ADK: variants seen among roughly 807,000 people sequenced by gnomAD.
ADK encodes N6,N6-dimethyladenosine kinase.
Under a neutral mutation model 44.7 loss-of-function variants are expected in ADK, and 24 were observed. The observed-to-expected ratio is 0.54, with a 90% CI of 0.39 to 0.76. The LOEUF is 0.76. ADK is among the 30% of genes least tolerant of loss of function. ADK has a pLI of 0.00. For missense variants in ADK, 321 were observed against 425.1 expected (o/e 0.76, Z 2.15); for synonymous variants, 128 against 142.6 (o/e 0.90, Z 0.73).
At position 74,479,898 on chromosome 10, in the gene ADK, A is replaced by C. The variant is rs570679571; in HGVS notation, c.556-45358A>C. Among the ~76,000 whole-genome samples the C allele has an allele frequency of 2.6e-5, 4 of 152,226 alleles. No individual in the cohort carries two copies. The South Asian group carries it at 8.3e-4, about 32-fold the overall frequency. On this transcript the variant is annotated intron_variant, in intron 6 of 10. Transcript: ENST00000539909. ...TCAGAATATGCAGTGCTTACAAACT[A>C]TGTTCTTTCCATCCTTTTTAATTTA...
At chr10:74,372,175 C>G in intron 4 of ADK, 1 of 755,976 alleles carries the variant, frequency 1.3e-6, no homozygotes, top group Non-Finnish European at 2.4e-6. Context: ...GCAGAGCAGC[C>G]TGCTGCTGAA....
At chr10:74,435,203 A>T (rs1456451508) in intron 6 of ADK, among the ~76,000 whole-genome samples, 4 of 152,256 alleles carry the variant, frequency 2.6e-5, no homozygotes, top group Admixed American at 2.6e-4. Flanking sequence ...TGGAAGAGTG[A>T]TAACTGCTAG....
At chr10:74,451,397 G>A (rs539381065) in intron 6 of ADK, among the ~76,000 whole-genome samples, 1 of 152,180 alleles carries the variant, frequency 6.6e-6, no homozygotes, top group African/African-American at 2.4e-5. Flanking sequence ...TATGATAAAA[G>A]CAGGGTTCCA....
At chr10:74,154,279 A>G (rs533371110) in intron 1 of ADK, among the ~76,000 whole-genome samples, 98 of 152,030 alleles carry the variant, frequency 6.4e-4, no homozygotes, top group African/African-American at 2.3e-3. Context: ...AATTTTGTAT[A>G]TATTTTTGAG....
intron 9 of ADK, among the ~76,000 whole-genome samples, chr10:74,662,495 G>A (rs1389223248): frequency 6.6e-6 from 1 of 152,068 alleles, no homozygotes; most frequent in African/African-American, 2.4e-5. Flanking sequence ...CTCCCAGTCT[G>A]GTCTCAAACT....
At chr10:74,642,995 A>G (rs1006056889) in intron 9 of ADK, among the ~76,000 whole-genome samples, 28 of 151,802 alleles carry the variant, frequency 1.8e-4, no homozygotes, top group African/African-American at 6.5e-4. Context: ...GTGTGCCACC[A>G]TATCTGGCTA....
At chr10:74,289,932 C>A (rs528135099) in intron 3 of ADK, among the ~76,000 whole-genome samples, 9 of 151,896 alleles carry the variant, frequency 5.9e-5, no homozygotes, top group African/African-American at 2.2e-4. Flanking sequence ...TTTTCTTAGC[C>A]ATATACACAA....
chr10:74,346,467 G>A (rs538494647), intron 4 of ADK, among the ~76,000 whole-genome samples: 27 of 151,202 alleles, frequency 1.8e-4, no homozygotes, highest in African/African-American at 5.4e-4. Context: ...TTGGGCTTTT[G>A]AGTTACATTT....
intron 8 of ADK, among the ~76,000 whole-genome samples, chr10:74,600,088 T>C (rs536991683): frequency 6.6e-6 from 1 of 152,302 alleles, no homozygotes; most frequent in Admixed American, 6.5e-5. Flanking sequence ...GATGAAATTA[T>C]GTATAGTTCT....
rs879761299 is a variant in ADK, at chr10:74,419,322, TC to T, written c.555+20752del. 1.5e-3 allele frequency among the ~76,000 whole-genome samples: 230 copies of T among 150,182 alleles called. 1 individual carries two copies. Among genetic ancestry groups the T allele is most frequent in the Non-Finnish European group, 2.0e-3 (132 of 67,424 alleles). On this transcript the variant is annotated intron_variant, in intron 6 of 10. Transcript: ENST00000539909. The stretch of plus-strand genomic sequence containing the variant: ...GGCCTATTTCAGTCTTTGAAGTATT[TC>T]CCCCCCCCAAAAATCCCTTATTTAA...
chr10:74,267,790 G>GTGTGTGTGTGTGTCTGTC (rs35081179), intron 3 of ADK, among the ~76,000 whole-genome samples: 3 of 145,598 alleles, frequency 2.1e-5, no homozygotes, highest in African/African-American at 8.0e-5. Context: ...GTGTGTGTGT[G>GTGTGTGTGTGTGTCTGTC]TGTCTGTCTG....
At chr10:74,424,378 T>C (rs1296817037) in intron 6 of ADK, among the ~76,000 whole-genome samples, 2 of 150,794 alleles carry the variant, frequency 1.3e-5, no homozygotes, top group Non-Finnish European at 3.0e-5. Flanking sequence ...CTACTAAAAA[T>C]ACAAAATTAG....
intron 7 of ADK, among the ~76,000 whole-genome samples, chr10:74,546,614 ATTAC>A (rs1157330954): frequency 1.3e-5 from 2 of 152,192 alleles, no homozygotes; most frequent in African/African-American, 4.8e-5. Context: ...TCATTTAAAA[ATTAC>A]TTATAAGTCT....
At chr10:74,684,353 C>T (rs936912901) in intron 10 of ADK, among the ~76,000 whole-genome samples, 4 of 152,052 alleles carry the variant, frequency 2.6e-5, no homozygotes, top group Non-Finnish European at 5.9e-5. Flanking sequence ...AATTAGGCTA[C>T]CACTAGAACA....
intron 3 of ADK, among the ~76,000 whole-genome samples, chr10:74,263,768 A>G (rs1419249041): frequency 6.6e-6 from 1 of 152,226 alleles, no homozygotes; most frequent in African/African-American, 2.4e-5. Context: ...CATATTTTAC[A>G]GTGCCTCTCC....
rs12259418 is a variant in ADK at position 74,191,538 on chromosome 10, C to T, written c.66-9226C>T. Among the ~76,000 whole-genome samples the T allele has an allele frequency of 5.1e-3, 778 of 152,254 alleles. 9 individuals are homozygous for T. Among genetic ancestry groups the T allele is most frequent in the African/African-American group, 0.018 (749 of 41,534 alleles). On this transcript the variant is annotated intron_variant, in intron 1 of 10. Transcript: ENST00000539909. ...AAGTGCTGAGACTACAGGTGTGAGCCACCACACCTGGCCTAAACATTTTTA... is the reference window on the plus strand; with the variant it reads ...AAGTGCTGAGACTACAGGTGTGAGCTACCACACCTGGCCTAAACATTTTTA...
intron 7 of ADK, among the ~76,000 whole-genome samples, chr10:74,581,474 C>CGGAT (rs1851372756): frequency 6.6e-6 from 1 of 152,048 alleles, no homozygotes; most frequent in South Asian, 2.1e-4. Context: ...ATAAAGACTA[C>CGGAT]GGATGGGGCA....
At chr10:74,274,910 A>G (rs1286240766) in intron 3 of ADK, among the ~76,000 whole-genome samples, 4 of 151,512 alleles carry the variant, frequency 2.6e-5, no homozygotes, top group Non-Finnish European at 5.9e-5. Flanking sequence ...TACGTTTTTG[A>G]TATGGTACTC....
intron 10 of ADK, among the ~76,000 whole-genome samples, chr10:74,691,172 A>G (rs1855976071): frequency 1.3e-5 from 2 of 152,258 alleles, no homozygotes; most frequent in African/African-American, 4.8e-5. Flanking sequence ...AAGACAGCAT[A>G]TAAATCATCA....
Sources: allele counts gnomAD v4.1 joint callset (sites outside exome capture counted in the v4.1 genomes callset), GRCh38; gene constraint gnomAD v4.1.1; transcripts MANE v1.5; gene names NCBI Gene and HGNC (gene_info 2026-07-23, HGNC 2026-07-21).